The following PRLR variants were observed in gnomAD, a reference collection of about 807,000 sequenced individuals.
The protein encoded by PRLR is hPRL receptor.
In PRLR, 13 loss-of-function variants were observed where a neutral mutation model predicts 40.2. The ratio of observed to expected loss-of-function variants is 0.32; its 90% CI spans 0.21 to 0.51. PRLR has a LOEUF of 0.51. Ranked by LOEUF, PRLR falls within the 20% of genes least tolerant of loss-of-function variation. The pLI is 0.97. For missense variants in PRLR, 656 were observed against 747.3 expected (o/e 0.88, Z 1.42); for synonymous variants, 269 against 278.7 (o/e 0.97, Z 0.35).
At chr5:35,122,965 T>C (rs1396222600) in intron 1 of PRLR, among the ~76,000 whole-genome samples, 1 of 152,160 alleles carries the variant, frequency 6.6e-6, no homozygotes, top group Admixed American at 6.5e-5. Flanking sequence ...TCAGGTCCAA[T>C]TGGCAAGTGT....
chr5:35,054,454 G>T (rs911316938), downstream of PRLR, among the ~76,000 whole-genome samples: 3 of 152,040 alleles, frequency 2.0e-5, no homozygotes, highest in African/African-American at 7.3e-5. Flanking sequence ...TATAGCAGTG[G>T]TATACACACA....
At chr5:35,108,374 G>A (rs1348776129) in intron 2 of PRLR, among the ~76,000 whole-genome samples, 1 of 152,090 alleles carries the variant, frequency 6.6e-6, no homozygotes, top group Non-Finnish European at 1.5e-5. Context: ...TTCTGGCCAG[G>A]GCAATCAGGC....
At chr5:35,098,539 A>G (rs1255836666) in intron 2 of PRLR, among the ~76,000 whole-genome samples, 2 of 152,254 alleles carry the variant, frequency 1.3e-5, no homozygotes, top group Non-Finnish European at 2.9e-5. Context: ...GACTTCAAAC[A>G]AGATTATTTT....
chr5:35,215,772 ATGCC>A (rs1257113420), intron 1 of PRLR, among the ~76,000 whole-genome samples: 1 of 151,116 alleles, frequency 6.6e-6, no homozygotes, highest in Non-Finnish European at 1.5e-5. Flanking sequence ...ACGGTGGCGC[ATGCC>A]TGTAATTGCA....
intron 2 of PRLR, among the ~76,000 whole-genome samples, chr5:35,103,793 A>G (rs1262293341): frequency 6.6e-6 from 1 of 152,222 alleles, no homozygotes; most frequent in African/African-American, 2.4e-5. Flanking sequence ...TGCTTTGCCA[A>G]TGCTCTCAAT....
intron 2 of PRLR, 138 bp from the exon 3 acceptor site, chr5:35,089,801 GA>G: frequency 1.6e-6 from 1 of 607,092 alleles, no homozygotes; most frequent in Non-Finnish European, 2.9e-6. Context: ...AGGAATGTAG[GA>G]AAATGTAACA....
chr5:35,090,020 C>T (rs79579397), intron 2 of PRLR, among the ~76,000 whole-genome samples: 8,268 of 152,158 alleles, frequency 0.054, 739 homozygotes, highest in African/African-American at 0.19. Context: ...GATTGTATGT[C>T]CTATGGGAGA....
At chr5:35,204,124 G>T (rs1435271517) in intron 1 of PRLR, among the ~76,000 whole-genome samples, 1 of 151,658 alleles carries the variant, frequency 6.6e-6, no homozygotes, top group Admixed American at 6.6e-5. Context: ...TATTTCAAAG[G>T]CTAATTGTGT....
chr5:35,170,932 A>G (rs1235363773), intron 1 of PRLR, among the ~76,000 whole-genome samples: 1 of 152,180 alleles, frequency 6.6e-6, no homozygotes, highest in Non-Finnish European at 1.5e-5. Context: ...CAAACGGACA[A>G]AGTACTGTCT....
intron 2 of PRLR, among the ~76,000 whole-genome samples, chr5:35,106,979 A>C (rs1772302412): frequency 6.6e-6 from 1 of 152,198 alleles, no homozygotes; most frequent in Admixed American, 6.5e-5. Flanking sequence ...GTTGGAAGTA[A>C]AGCTCTCCTC....
downstream of PRLR, among the ~76,000 whole-genome samples, chr5:35,053,158 C>T (rs1256796652): frequency 5.3e-5 from 8 of 152,186 alleles, no homozygotes; most frequent in East Asian, 1.9e-4. Context: ...GCCCATAACA[C>T]GTTTCTATTT....
At position 35,069,984 on chromosome 5, in the gene PRLR, A is replaced by T. The variant is rs1480416302; in HGVS notation, c.685+140T>A. 5.1e-6 allele frequency: 5 copies of T among 978,640 alleles called. No individual in the cohort carries two copies. The South Asian group carries it at 9.4e-5, about 18-fold the overall frequency. The allele number at this position is 978,640 out of a possible 1,614,324, so 60.6% of individuals were successfully genotyped here. ...ATGCTGCTTTTCAAAATGTCTTCGTATTGGGCAGAAAGATTATAAACCCAC... is the reference window on the plus strand; with the variant it reads ...ATGCTGCTTTTCAAAATGTCTTCGTTTTGGGCAGAAAGATTATAAACCCAC... On this transcript the variant is annotated intron_variant, in intron 7 of 9. Coordinates refer to ENST00000618457, the MANE Select transcript of PRLR (RefSeq NM_000949.7).
intron 1 of PRLR, among the ~76,000 whole-genome samples, chr5:35,176,371 A>G (rs1008213830): frequency 6.6e-6 from 1 of 152,152 alleles, no homozygotes; most frequent in Non-Finnish European, 1.5e-5. Context: ...TCACCCTTTT[A>G]CAGTGTACAG....
chr5:35,135,388 C>T (rs1773824008), intron 1 of PRLR: 1 of 152,340 alleles, frequency 6.6e-6, no homozygotes, highest in South Asian at 2.1e-4. Flanking sequence ...TACGCGTTGG[C>T]TTCTGGTGAG....
At chr5:35,070,102 A>G (rs1579572172) in intron 7 of PRLR, 22 bp downstream of exon 7, 1 of 1,588,820 alleles carries the variant, frequency 6.3e-7, no homozygotes, top group Non-Finnish European at 8.5e-7. Flanking sequence ...GGACATAAGC[A>G]AAAAAGAGCC....
At chr5:35,051,649 T>C (rs912737981), downstream of PRLR, among the ~76,000 whole-genome samples, 2 of 152,152 alleles carry the variant, frequency 1.3e-5, no homozygotes, top group East Asian at 1.9e-4. Context: ...CCTGTTACTA[T>C]AGTGATTATT....
chr5:35,049,544 C>G lies in PRLR; in HGVS notation c.1010-136G>C, dbSNP rs111457519. The G allele has an allele frequency of 2.1e-3, 1,227 of 597,634 alleles. 10 individuals carry two copies. The highest frequency in any genetic ancestry group is 0.02 in the African/African-American group (1,075 of 53,946). 37.0% of individuals were successfully genotyped at this position (597,634 alleles called of 1,614,324 possible). A position where few individuals can be genotyped will look rare whatever the true frequency, so the allele number is the denominator to read the frequency against. Reference sequence around the variant, plus strand: ...AATATGTACTTCTGTTAAACAAACTCAAGCCTAGAATTGCATAAAGAAGAA... The same window carrying G: ...AATATGTACTTCTGTTAAACAAACTGAAGCCTAGAATTGCATAAAGAAGAA... On this transcript the variant is annotated intron_variant, in intron 8 of 8. Transcript: ENST00000231423.
chr5:35,070,357 A>G lies in PRLR; in HGVS notation c.544-92T>C, dbSNP rs185112377. 82 of 1,328,810 alleles carry G rather than the reference A, an allele frequency of 6.2e-5. 2 individuals are homozygous for G. In the Admixed American group the frequency reaches 1.5e-3, roughly 25 times the overall value. 82.3% of individuals were successfully genotyped at this position (1,328,810 alleles called of 1,614,324 possible). A position where few individuals can be genotyped will look rare whatever the true frequency, so the allele number is the denominator to read the frequency against. ...TAAAAAATAAACTAAGTTAGGCTGA[A>G]CAATCATATACAGAGAATTCCCTGC... On this transcript the variant is annotated intron_variant, in intron 6 of 9. Coordinates refer to ENST00000618457, the MANE Select transcript of PRLR (RefSeq NM_000949.7).
At chr5:35,103,237 T>C (rs1169979432) in intron 2 of PRLR, among the ~76,000 whole-genome samples, 2 of 152,330 alleles carry the variant, frequency 1.3e-5, no homozygotes, top group East Asian at 3.9e-4. Flanking sequence ...CTACTGAACT[T>C]AGAAAAATAT....
Sources: gnomAD v4.1 joint callset for allele counts (sites outside exome capture counted in the v4.1 genomes callset) on GRCh38, gnomAD v4.1.1 for gene constraint, MANE v1.5 for transcripts, NCBI Gene and HGNC (gene_info 2026-07-23, HGNC 2026-07-21) for gene names.